PLA1A: variants seen among roughly 807,000 people sequenced by gnomAD.
The protein encoded by PLA1A is phospholipase A1 member A.
A neutral mutation model predicts 49.4 loss-of-function variants in PLA1A; 47 were observed. That is an observed-to-expected ratio of 0.95 (90% CI 0.75 to 1.21). The LOEUF (loss-of-function observed/expected upper bound fraction) is 1.21, where lower values mean the gene tolerates loss of function less well. Ranked by LOEUF, PLA1A falls within the 50% of genes most tolerant of loss-of-function variation. The pLI, the probability that PLA1A is intolerant of heterozygous loss-of-function variation, is 0.00. For missense variants in PLA1A, 561 were observed against 563.9 expected (o/e 0.99, Z 0.05); for synonymous variants, 224 against 207.9 (o/e 1.08, Z -0.67).
intron 5 of PLA1A, among the ~76,000 whole-genome samples, chr3:119,614,450 C>A (rs2082816159): frequency 6.6e-6 from 1 of 151,812 alleles, no homozygotes; most frequent in Non-Finnish European, 1.5e-5. Flanking sequence ...AAAAAAAATA[C>A]AAAAATTTAG....
intron 5 of PLA1A, among the ~76,000 whole-genome samples, chr3:119,614,978 A>G (rs2082825633): frequency 6.6e-6 from 1 of 152,164 alleles, no homozygotes; most frequent in Admixed American, 6.5e-5. Flanking sequence ...GTAAAGACAG[A>G]GAGAAGTAGA....
intron 10 of PLA1A, 130 bp from the exon 11 acceptor site, chr3:119,629,254 C>T: frequency 1.4e-6 from 1 of 698,608 alleles, no homozygotes; most frequent in East Asian, 2.5e-5. Context: ...ACTTGGACCA[C>T]AGGAACTGGC....
intron 2 of PLA1A, chr3:119,607,213 A>G (rs567094810): frequency 1.2e-5 from 6 of 516,502 alleles, no homozygotes; most frequent in Non-Finnish European, 2.1e-5. Flanking sequence ...CACGAACAGT[A>G]CATGTCTGTG....
At chr3:119,622,739 G>T (rs1441797022) in intron 8 of PLA1A, among the ~76,000 whole-genome samples, 1 of 151,796 alleles carries the variant, frequency 6.6e-6, no homozygotes. Context: ...CGAGACTAAA[G>T]TGATTGCAAA....
At chr3:119,624,316 C>T (rs2107799992) in intron 8 of PLA1A, among the ~76,000 whole-genome samples, 1 of 152,322 alleles carries the variant, frequency 6.6e-6, no homozygotes, top group Non-Finnish European at 1.5e-5. Flanking sequence ...TTCTATAAGG[C>T]ACTATTTCAT....
At chr3:119,614,900 C>T (rs1647979003) in intron 5 of PLA1A, among the ~76,000 whole-genome samples, 1 of 152,094 alleles carries the variant, frequency 6.6e-6, no homozygotes, top group African/African-American at 2.4e-5. Flanking sequence ...GCCCGGATGC[C>T]CATTAGAGAG....
In PLA1A at chr3:119,622,173, A is replaced by G. The variant is rs943309369; in HGVS notation, c.1012+2521A>G. Among the ~76,000 whole-genome samples the G allele has an allele frequency of 5.3e-4, 38 of 72,174 alleles. No individual in the cohort carries two copies. In the East Asian group the frequency reaches 7.9e-3, roughly 15 times the overall value. The allele number at this position is 72,174 out of a possible 152,430, so 47.3% of individuals were successfully genotyped here. A position where few individuals can be genotyped will look rare whatever the true frequency, so the allele number is the denominator to read the frequency against. ...AGGAAGAAGAAGAAGAAGAAGAAGA[A>G]GAAGAAGAAGAAGAAGAAGAAGAAG... On this transcript the variant is annotated intron_variant, in intron 8 of 10. Coordinates refer to ENST00000273371, the MANE Select transcript of PLA1A (RefSeq NM_015900.4).
chr3:119,614,178 C>T (rs1002280532), intron 5 of PLA1A, among the ~76,000 whole-genome samples: 1 of 152,196 alleles, frequency 6.6e-6, no homozygotes, highest in African/African-American at 2.4e-5. Context: ...GCATTTAAGA[C>T]TCATGATTCT....
chr3:119,604,252 T>C (rs1339164561), intron 1 of PLA1A, among the ~76,000 whole-genome samples: 1 of 152,148 alleles, frequency 6.6e-6, no homozygotes, highest in Admixed American at 6.5e-5. Context: ...CTACTGGGTA[T>C]ATATCCAAAA....
At chr3:119,607,491 C>A (rs1385620154) in intron 2 of PLA1A, among the ~76,000 whole-genome samples, 1 of 152,286 alleles carries the variant, frequency 6.6e-6, no homozygotes, top group South Asian at 2.1e-4. Flanking sequence ...CAAAGCCCAT[C>A]TATAGGGCTA....
At chr3:119,626,945 A>G (rs539248553) in intron 9 of PLA1A, among the ~76,000 whole-genome samples, 5 of 152,246 alleles carry the variant, frequency 3.3e-5, no homozygotes, top group Admixed American at 2.6e-4. Context: ...CTTCTAGCCC[A>G]TTGGTAGGTC....
intron 2 of PLA1A, among the ~76,000 whole-genome samples, chr3:119,608,249 A>AAAG (rs2082718149): frequency 2.4e-5 from 2 of 82,264 alleles, no homozygotes; most frequent in East Asian, 5.3e-4. Context: ...AGAGAGAAAG[A>AAAG]AAGAAAGAAA....
intron 4 of PLA1A, among the ~76,000 whole-genome samples, chr3:119,612,239 C>G (rs562584941): frequency 6.6e-6 from 1 of 152,282 alleles, no homozygotes; most frequent in South Asian, 2.1e-4. Context: ...TTTCCCAAAT[C>G]TACTTTGAAC....
intron 8 of PLA1A, among the ~76,000 whole-genome samples, chr3:119,623,086 C>T (rs1560087553): frequency 6.6e-6 from 1 of 152,162 alleles, no homozygotes. Flanking sequence ...GCCTTAGCCT[C>T]CCAAAGTGCT....
intron 6 of PLA1A, 98 bp from the exon 7 acceptor site, chr3:119,617,921 C>T (rs1193317796): frequency 6.5e-6 from 6 of 919,548 alleles, no homozygotes; most frequent in Admixed American, 4.8e-5. Flanking sequence ...CATGTATTTA[C>T]AGCTTGCTGG....
rs752839453 is a variant in PLA1A at position 119,606,897 on chromosome 3, T to C, written c.197T>C (p.Leu66Pro). ...CCTTCGAATCCTAGCTGTGGGCAGC[T>C]AGTAGAAGGAAGCAGTGACCTCCAA... ...FVPSNPSCGQ[L>P]VEGSSDLQNS... Residue 66 changes from leucine (L) to proline (P), a missense_variant, in exon 2 of 11, where the codon CTA becomes CCA. By Grantham distance (98) the Leu-to-Pro change is moderately conservative. Transcript: ENST00000273371. 1 of 1,614,126 alleles carries C rather than the reference T, an allele frequency of 6.2e-7. No homozygotes were observed. Among genetic ancestry groups the C allele is most frequent in the East Asian group, 2.2e-5 (1 of 44,888 alleles).
At chr3:119,628,946 A>G in intron 10 of PLA1A, 81 bp downstream of exon 10, 3 of 1,090,182 alleles carry the variant, frequency 2.8e-6, no homozygotes, top group Non-Finnish European at 2.7e-6. Context: ...CTGCCTATTG[A>G]GGTTCAATCT....
Position 119,629,719 on chromosome 3 carries a change from C to A in PLA1A, c.*251C>A. The A allele has an allele frequency of 2.2e-6, 1 of 447,458 alleles. No homozygotes were observed. Among genetic ancestry groups the A allele is most frequent in the Non-Finnish European group, 4.0e-6 (1 of 252,182 alleles). The allele number at this position is 447,458 out of a possible 1,614,324, so 27.7% of individuals were successfully genotyped here. ...TCCCATGCATACTTAACTGCACTTG[C>A]TTTATCTCCTTGGGCATTCGTACTT... On this transcript the variant is annotated 3_prime_UTR_variant, in exon 11 of 11. Transcript: ENST00000273371.
intron 1 of PLA1A, among the ~76,000 whole-genome samples, chr3:119,598,351 T>C (rs1466463190): frequency 2.0e-5 from 3 of 152,232 alleles, no homozygotes. Context: ...TTTTAAAATT[T>C]AGGTTTTCCA....
Sources: gnomAD v4.1 joint callset for allele counts (sites outside exome capture counted in the v4.1 genomes callset) on GRCh38, gnomAD v4.1.1 for gene constraint, MANE v1.5 for transcripts, NCBI Gene and HGNC (gene_info 2026-07-23, HGNC 2026-07-21) for gene names.